Variants in DNAH17 observed in about 807,000 individuals in gnomAD.
DNAH17 encodes axonemal beta dynein heavy chain 17.
Under a neutral mutation model 485.6 loss-of-function variants are expected in DNAH17, and 376 were observed. That is an observed-to-expected ratio of 0.77 (90% CI 0.71 to 0.84). The LOEUF (loss-of-function observed/expected upper bound fraction) is 0.84, where lower values mean the gene tolerates loss of function less well. DNAH17 is among the 40% of genes least tolerant of loss of function. The pLI, the probability that DNAH17 is intolerant of heterozygous loss-of-function variation, is 0.00. For synonymous variants in DNAH17, 3,031 were observed against 2,405.9 expected, an observed-to-expected ratio of 1.26 and a Z score of -7.60; for missense variants, 6,370 against 5,839.3, an observed-to-expected ratio of 1.09 and a Z score of -2.96.
rs762347507 is a variant in DNAH17 at position 78,537,321 on chromosome 17, G to A, written c.2837C>T (p.Ala946Val). The A allele has an allele frequency of 6.3e-6, 10 of 1,576,430 alleles. No homozygotes were observed. The Admixed American group carries it at 1.7e-4, about 26-fold the overall frequency. Residue 946 changes from alanine to valine, a missense_variant, in exon 19 of 81, where the codon GCC (alanine) becomes GTC (valine). Physicochemically the swap from Ala to Val is moderately conservative, Grantham distance 64 (BLOSUM62 0). Coordinates refer to ENST00000389840, the MANE Select transcript of DNAH17 (RefSeq NM_173628.4). ...YNVARLIPRL[A>V]KDRMNYKMDL... ...GACCTTGTAGTTCATCCTGTCCTTG[G>A]CCAGCCGAGGGATGAGCCTGGCTAC...
intron 38 of DNAH17, 142 bp downstream of exon 38, chr17:78,495,733 C>T (rs1400569585): frequency 1.5e-5 from 15 of 1,017,880 alleles, no homozygotes; most frequent in South Asian, 1.8e-5. Flanking sequence ...TTACTGTGCC[C>T]GGCCATCTTG....
At chr17:78,427,815 C>T (rs1007589428) in intron 77 of DNAH17, among the ~76,000 whole-genome samples, 2 of 152,126 alleles carry the variant, frequency 1.3e-5, no homozygotes, top group Admixed American at 1.3e-4. Flanking sequence ...ACCACAAATA[C>T]AAAATTAGCC....
intron 58 of DNAH17, 21 bp downstream of exon 58, chr17:78,461,523 C>A (rs375202983): frequency 1.3e-6 from 2 of 1,544,192 alleles, no homozygotes; most frequent in Non-Finnish European, 1.7e-6. Context: ...CCTGAAGGCA[C>A]GCTGGGCTGC....
chr17:78,426,455 AC>A lies in DNAH17; in HGVS notation c.12915+1del. On this transcript the variant is annotated splice_donor_variant, in intron 79 of 80. Coordinates refer to ENST00000389840, the MANE Select transcript of DNAH17 (RefSeq NM_173628.4). LOFTEE classifies it high-confidence loss of function. ...AAGCCTCTCAGAGAAAACGGCACTT[AC>A]CCTGATGCGGAGCAGCAGGTCTGCG... 1.3e-6 allele frequency: 2 copies of A among 1,595,078 alleles called. No homozygotes were observed. Among genetic ancestry groups the A allele is most frequent in the South Asian group, 2.2e-5 (2 of 88,980 alleles).
chr17:78,569,524 G>A lies in DNAH17; in HGVS notation c.1048C>T (p.Arg350Ter), dbSNP rs371400048. Residue 350 changes from arginine (R) to a stop codon, truncating the protein, a stop_gained, in exon 8 of 81, where the codon CGA becomes TGA. Coordinates refer to ENST00000389840, the MANE Select transcript of DNAH17 (RefSeq NM_173628.4). LOFTEE classifies it high-confidence loss of function. Reference protein sequence around the residue: ...EFCNQIIEMTRTFLSPEEVLK... With the variant: ...EFCNQIIEMT ...ACCTCTTCCGGGCTCAGGAAGGTTC[G>A]TGTCTGGGCAAAAGAGAAGACAGAC... 11 of 1,603,550 alleles carry A rather than the reference G, an allele frequency of 6.9e-6. No homozygotes were observed. The highest frequency in any genetic ancestry group is 1.3e-5 in the African/African-American group (1 of 74,720).
chr17:78,505,504 G>T, intron 30 of DNAH17, 59 bp from the exon 31 acceptor site: 1 of 1,608,230 alleles, frequency 6.2e-7, no homozygotes, highest in Non-Finnish European at 8.5e-7. Flanking sequence ...CATGTGCGTG[G>T]CTTGGGCTTT....
chr17:78,488,536 G>A (rs987771744), intron 44 of DNAH17, among the ~76,000 whole-genome samples: 3 of 152,072 alleles, frequency 2.0e-5, no homozygotes, highest in Admixed American at 2.0e-4. Flanking sequence ...TCTTTTTCCT[G>A]TCCCCGTGTC....
intron 30 of DNAH17, 33 bp from the exon 31 acceptor site, chr17:78,505,478 C>G: frequency 1.2e-6 from 2 of 1,613,408 alleles, no homozygotes; most frequent in Non-Finnish European, 8.5e-7. Context: ...AATTATGCAA[C>G]GGGGGATTTG....
At position 78,507,810 on chromosome 17, in the gene DNAH17, T is replaced by C; in HGVS notation, c.4237-5A>G. On this transcript the variant is annotated splice_polypyrimidine_tract_variant and splice_region_variant and intron_variant, in intron 27 of 80. Transcript: ENST00000389840. ...ACTGTCCAGGGCTTTCAGCACCTTT[T>C]GGGGGAACAGAAAAATAAGGTCACT... 1 of 1,546,028 alleles carries C rather than the reference T, an allele frequency of 6.5e-7. No individual in the cohort carries two copies. The highest frequency in any genetic ancestry group is 8.7e-7 in the Non-Finnish European group (1 of 1,148,380).
At chr17:78,570,581 C>T (rs1387173125) in intron 6 of DNAH17, among the ~76,000 whole-genome samples, 11 of 152,044 alleles carry the variant, frequency 7.2e-5, no homozygotes, top group African/African-American at 2.7e-4. Context: ...AGACCCAGGC[C>T]GGGCGTGGTG....
chr17:78,474,987 G>A (rs7405756), intron 54 of DNAH17, among the ~76,000 whole-genome samples: 3 of 116,512 alleles, frequency 2.6e-5, no homozygotes, highest in East Asian at 2.5e-4. Flanking sequence ...GGTTTCACAC[G>A]CTTCACCTCA....
intron 48 of DNAH17, among the ~76,000 whole-genome samples, chr17:78,483,713 C>G (rs1568128411): frequency 6.6e-6 from 1 of 152,154 alleles, no homozygotes; most frequent in Non-Finnish European, 1.5e-5. Context: ...CCTAACCCCC[C>G]ATGCCTGCCT....
chr17:78,496,109 T>C (rs1379071151), intron 37 of DNAH17, 77 bp from the exon 38 acceptor site: 1 of 1,484,000 alleles, frequency 6.7e-7, no homozygotes, highest in African/African-American at 1.4e-5. Context: ...TCACATATGT[T>C]AAAGCATGAG....
At chr17:78,555,433 G>C (rs537567789) in intron 14 of DNAH17, among the ~76,000 whole-genome samples, 2 of 150,656 alleles carry the variant, frequency 1.3e-5, no homozygotes, top group African/African-American at 4.9e-5. Flanking sequence ...GCTGGAGAAA[G>C]GTGCTGTGTT....
Position 78,562,114 on chromosome 17 carries a change from C to T in DNAH17, c.1570-134G>A, listed in dbSNP as rs1040495912. On this transcript the variant is annotated intron_variant, in intron 11 of 80. Coordinates refer to ENST00000389840, the MANE Select transcript of DNAH17 (RefSeq NM_173628.4). ...TACCTTGCCAAAACAAAACAATCCA[C>T]TGGAACCTTTGTGTGTGTCAACTGG... The T allele has an allele frequency of 2.7e-6, 3 of 1,117,084 alleles. No individual in the cohort carries two copies. In the African/African-American group the frequency reaches 4.7e-5, roughly 18 times the overall value. 69.2% of individuals were successfully genotyped at this position (1,117,084 alleles called of 1,614,324 possible). A position where few individuals can be genotyped will look rare whatever the true frequency, so the allele number is the denominator to read the frequency against.
chr17:78,491,983 G>A (rs1404468253), intron 42 of DNAH17, among the ~76,000 whole-genome samples: 2 of 152,176 alleles, frequency 1.3e-5, no homozygotes, highest in East Asian at 3.9e-4. Flanking sequence ...GGGGGCTGGG[G>A]GTACAGAGCT....
chr17:78,463,772 C>A (rs1048291960), intron 56 of DNAH17, among the ~76,000 whole-genome samples: 3 of 152,250 alleles, frequency 2.0e-5, no homozygotes. Flanking sequence ...TGAACGCAGG[C>A]ACTGGGAGCT....
chr17:78,482,184 TCCCAACCTCAGCCTCACACTACCATG>T (rs1306997238), intron 48 of DNAH17, among the ~76,000 whole-genome samples: 1 of 149,034 alleles, frequency 6.7e-6, no homozygotes, highest in Non-Finnish European at 1.5e-5. Flanking sequence ...CAAGCTGTCC[TCCCAACCTCAGCCTCACACTACCATG>T]CCCGGCTAAG....
At position 78,552,775 on chromosome 17, in the gene DNAH17, G is replaced by GA; in HGVS notation, c.2208dup (p.Leu737SerfsTer11). ...GCTTCCAGTTCTGACTTTATTAGTAGAAATTCTACTGCCTTCACTATAGTC... is the reference window on the plus strand; with the variant it reads ...GCTTCCAGTTCTGACTTTATTAGTAGAAAATTCTACTGCCTTCACTATAGTC... On this transcript the variant is annotated frameshift_variant, in exon 15 of 81. Transcript: ENST00000389840. LOFTEE classifies it high-confidence loss of function. 2 of 1,613,302 alleles carry GA rather than the reference G, an allele frequency of 1.2e-6. No individual in the cohort carries two copies. The highest frequency in any genetic ancestry group is 1.7e-6 in the Non-Finnish European group (2 of 1,179,260).
Sources: gnomAD v4.1 joint callset for allele counts (sites outside exome capture counted in the v4.1 genomes callset) on GRCh38, gnomAD v4.1.1 for gene constraint, MANE v1.5 for transcripts, NCBI Gene and HGNC (gene_info 2026-07-23, HGNC 2026-07-21) for gene names.